Variants in PTP4A2 observed in about 807,000 individuals in gnomAD.
PTP4A2 encodes the protein protein tyrosine phosphatase type IVA 2.
Under a neutral mutation model 22.9 loss-of-function variants are expected in PTP4A2, and 2 were observed. The observed-to-expected ratio is 0.09, with a 90% CI of 0.04 to 0.27. The LOEUF is 0.27. PTP4A2 is among the 10% of genes least tolerant of loss of function. The pLI, the probability that PTP4A2 is intolerant of heterozygous loss-of-function variation, is 1.00. For synonymous variants in PTP4A2, 68 were observed against 69.1 expected (o/e 0.98, Z 0.08); for missense variants, 103 against 205.1 (o/e 0.50, Z 3.04).
At chr1:31,918,603 T>C (rs906941872) in intron 2 of PTP4A2, among the ~76,000 whole-genome samples, 5 of 152,240 alleles carry the variant, frequency 3.3e-5, no homozygotes, top group African/African-American at 9.6e-5. Context: ...CTACACCTCA[T>C]AGGGTTTTTG....
chr1:31,922,663 T>C (rs905127613), intron 1 of PTP4A2, among the ~76,000 whole-genome samples: 30 of 151,760 alleles, frequency 2.0e-4, no homozygotes, highest in Middle Eastern at 3.4e-3. Context: ...AGGTTTTCAC[T>C]CTGTCACCCA....
At chr1:31,925,403 G>A (rs554295418) in intron 1 of PTP4A2, among the ~76,000 whole-genome samples, 1 of 152,292 alleles carries the variant, frequency 6.6e-6, no homozygotes, top group African/African-American at 2.4e-5. Flanking sequence ...CTGTTAAAGA[G>A]GCTAAATGAG....
intron 1 of PTP4A2, among the ~76,000 whole-genome samples, chr1:31,920,338 G>A (rs1198948546): frequency 6.6e-6 from 1 of 151,302 alleles, no homozygotes; most frequent in African/African-American, 2.4e-5. Context: ...AGCTACTTGG[G>A]AGGCTGAGGC....
intron 1 of PTP4A2, among the ~76,000 whole-genome samples, chr1:31,925,951 C>T (rs1348959943): frequency 1.3e-5 from 2 of 151,300 alleles, no homozygotes; most frequent in Non-Finnish European, 2.9e-5. Flanking sequence ...CGAAGCCATA[C>T]TGGCCCATCT....
rs184986836 is a variant in PTP4A2, at chr1:31,916,044, T to C, written c.97-57A>G. On this transcript the variant is annotated intron_variant, in intron 2 of 5. Transcript: ENST00000647444. ...TGTTTTTGAAACCTACAGCCAAAAATGTAGAAATGTACTATTATAGGCCGG... is the reference window on the plus strand; with the variant it reads ...TGTTTTTGAAACCTACAGCCAAAAACGTAGAAATGTACTATTATAGGCCGG... The C allele has an allele frequency of 5.3e-4, 643 of 1,212,384 alleles. 3 individuals carry two copies. The African/African-American group carries it at 8.9e-3, about 17-fold the overall frequency. The allele number at this position is 1,212,384 out of a possible 1,614,324, so 75.1% of individuals were successfully genotyped here. A position where few individuals can be genotyped will look rare whatever the true frequency, so the allele number is the denominator to read the frequency against.
chr1:31,911,667 C>T (rs1413531525), intron 4 of PTP4A2, 29 bp downstream of exon 4: 1 of 1,530,900 alleles, frequency 6.5e-7, no homozygotes, highest in Non-Finnish European at 8.8e-7. Context: ...TGAATTCAGA[C>T]AAAAAGGGTA....
chr1:31,917,871 G>C (rs987095731), intron 2 of PTP4A2, among the ~76,000 whole-genome samples: 3 of 149,956 alleles, frequency 2.0e-5, no homozygotes, highest in Non-Finnish European at 4.4e-5. Flanking sequence ...CTACTTGGGA[G>C]CTGAGGCAGG....
intron 1 of PTP4A2, among the ~76,000 whole-genome samples, chr1:31,925,587 G>A (rs1398753907): frequency 2.0e-5 from 3 of 151,872 alleles, no homozygotes; most frequent in Non-Finnish European, 2.9e-5. Context: ...GTGAAACCCC[G>A]TCTCCACTAA....
chr1:31,924,702 C>CA (rs1489071417), intron 1 of PTP4A2, among the ~76,000 whole-genome samples: 2 of 152,108 alleles, frequency 1.3e-5, no homozygotes, highest in African/African-American at 4.8e-5. Context: ...GTGGTAAATT[C>CA]AAATATACAC....
At chr1:31,922,594 CT>C (rs997431222) in intron 1 of PTP4A2, among the ~76,000 whole-genome samples, 1 of 45,738 alleles carries the variant, frequency 2.2e-5, no homozygotes, top group Non-Finnish European at 4.2e-5. Context: ...TTGTTTCTTT[CT>C]TTCTTTCTTT....
chr1:31,923,358 G>A (rs1219553717), intron 1 of PTP4A2, among the ~76,000 whole-genome samples: 7 of 114,484 alleles, frequency 6.1e-5, no homozygotes, highest in Non-Finnish European at 1.1e-4. Flanking sequence ...TTTTTGAGAC[G>A]GAGTCTTGCT....
At chr1:31,937,086 C>T (rs1652966416) in intron 1 of PTP4A2, among the ~76,000 whole-genome samples, 1 of 152,200 alleles carries the variant, frequency 6.6e-6, no homozygotes, top group South Asian at 2.1e-4. Context: ...CCTGAACACT[C>T]TACAGGCCAG....
chr1:31,915,802 T>C (rs1651799916), intron 3 of PTP4A2, 93 bp downstream of exon 3: 5 of 784,794 alleles, frequency 6.4e-6, no homozygotes, highest in Admixed American at 5.5e-5. Context: ...ATTGGGATTA[T>C]AGGTGTGAGC....
rs539197425 is a variant in PTP4A2, at chr1:31,924,336, C to G, written c.-593-4678G>C. On this transcript the variant is annotated intron_variant, in intron 1 of 5. Transcript: ENST00000647444. ...AAACAGTATGTTCTAGCACTTTTAACAGATACATGATAAAAACAAGCTTCT... is the reference window on the plus strand; with the variant it reads ...AAACAGTATGTTCTAGCACTTTTAAGAGATACATGATAAAAACAAGCTTCT... Among the ~76,000 whole-genome samples, 13 of 152,314 alleles carry G rather than the reference C, an allele frequency of 8.5e-5. No individual in the cohort carries two copies. The East Asian group carries it at 2.5e-3, about 29-fold the overall frequency.
intron 1 of PTP4A2, among the ~76,000 whole-genome samples, chr1:31,926,611 C>T (rs1652477126): frequency 6.6e-6 from 1 of 152,136 alleles, no homozygotes; most frequent in Non-Finnish European, 1.5e-5. Flanking sequence ...AAGAATTTAT[C>T]CTCCTGAAGA....
intron 1 of PTP4A2, among the ~76,000 whole-genome samples, chr1:31,932,091 C>T (rs1053538058): frequency 6.6e-6 from 1 of 152,092 alleles, no homozygotes; most frequent in African/African-American, 2.4e-5. Context: ...GAAAACAGAC[C>T]TGATTGTGAA....
chr1:31,933,702 AAC>A (rs942602846), intron 1 of PTP4A2: 4 of 152,264 alleles, frequency 2.6e-5, no homozygotes, highest in African/African-American at 9.6e-5. Flanking sequence ...CAGCCTGGGC[AAC>A]AGAGTAAGAC....
intron 1 of PTP4A2, among the ~76,000 whole-genome samples, chr1:31,936,077 G>A (rs2124284166): frequency 6.6e-6 from 1 of 151,898 alleles, no homozygotes. Flanking sequence ...GTATGAGCCA[G>A]CTTGCCCAGC....
intron 3 of PTP4A2, 98 bp downstream of exon 3, chr1:31,915,797 G>A: frequency 1.5e-5 from 11 of 758,488 alleles, no homozygotes; most frequent in Non-Finnish European, 2.4e-5. Context: ...ACAATATTGG[G>A]ATTATAGGTG....
Sources: gnomAD v4.1 joint callset for allele counts (sites outside exome capture counted in the v4.1 genomes callset) on GRCh38, gnomAD v4.1.1 for gene constraint, MANE v1.5 for transcripts, NCBI Gene and HGNC (gene_info 2026-07-23, HGNC 2026-07-21) for gene names.